Variants in USP34 observed in about 807,000 individuals in gnomAD.
USP34 encodes ubiquitin carboxyl-terminal hydrolase 34.
A neutral mutation model predicts 460.3 loss-of-function variants in USP34; 70 were observed. The observed-to-expected ratio is 0.15, with a 90% CI of 0.13 to 0.19. The LOEUF is 0.19. Ranked by LOEUF, USP34 falls within the 10% of genes least tolerant of loss-of-function variation. USP34 has a pLI of 1.00. For synonymous variants in USP34, 1,647 were observed against 1,405.3 expected, an observed-to-expected ratio of 1.17 and a Z score of -3.85; for missense variants, 3,985 against 4,236.2, an observed-to-expected ratio of 0.94 and a Z score of 1.65.
intron 3 of USP34, among the ~76,000 whole-genome samples, chr2:61,400,302 G>A (rs974404972): frequency 6.6e-6 from 1 of 151,962 alleles, no homozygotes; most frequent in Non-Finnish European, 1.5e-5. Flanking sequence ...GTAGAGACAG[G>A]GTTTCACTGT....
chr2:61,449,841 G>C (rs1047077766), intron 1 of USP34, among the ~76,000 whole-genome samples: 8 of 152,202 alleles, frequency 5.3e-5, no homozygotes, highest in African/African-American at 1.9e-4. Flanking sequence ...GCTGAGGTGG[G>C]TGGATCACGA....
chr2:61,437,818 A>AAATAAATAAATAAATAAATAAAT (rs1558594196), intron 1 of USP34, among the ~76,000 whole-genome samples: 1 of 76,272 alleles, frequency 1.3e-5, no homozygotes, highest in Non-Finnish European at 3.0e-5. Flanking sequence ...AATAAATAAA[A>AAATAAATAAATAAATAAATAAAT]AACCTGAACA....
intron 41 of USP34, among the ~76,000 whole-genome samples, chr2:61,270,481 G>A (rs1689178888): frequency 6.6e-6 from 1 of 152,324 alleles, no homozygotes; most frequent in East Asian, 1.9e-4. Context: ...TTGTTGCCAG[G>A]CTGGAGTGTA....
intron 68 of USP34, 83 bp from the exon 69 acceptor site, chr2:61,212,012 C>T: frequency 1.4e-6 from 2 of 1,388,846 alleles, no homozygotes; most frequent in African/African-American, 3.0e-5. Context: ...GTTCATTAAT[C>T]AACTCTTAAA....
intron 1 of USP34, among the ~76,000 whole-genome samples, chr2:61,462,002 G>A (rs1049505897): frequency 6.6e-6 from 1 of 152,050 alleles, no homozygotes; most frequent in African/African-American, 2.4e-5. Flanking sequence ...CATTTTAGGG[G>A]GCCGAGGTGG....
At position 61,399,874 on chromosome 2, in the gene USP34, C is replaced by CAAAAA. The variant is rs529141667; in HGVS notation, c.553-4646_553-4642dup. 5.7e-5 allele frequency among the ~76,000 whole-genome samples: 4 copies of CAAAAA among 69,984 alleles called. No individual in the cohort carries two copies. The South Asian group carries it at 3.0e-3, about 53-fold the overall frequency. The allele number at this position is 69,984 out of a possible 152,430, so 45.9% of individuals were successfully genotyped here. On this transcript the variant is annotated intron_variant, in intron 3 of 79. Transcript: ENST00000398571. ...GGCAACAGTGCGAGACACTGTCTCC[C>CAAAAA]AAAAAAAAAAAAAAAAAGCTGTATT...
At chr2:61,297,564 A>G (rs1180871611) in intron 29 of USP34, among the ~76,000 whole-genome samples, 3 of 152,252 alleles carry the variant, frequency 2.0e-5, no homozygotes, top group African/African-American at 7.2e-5. Flanking sequence ...AGGTAAAAAG[A>G]GTAAAAACTA....
Position 61,471,012 on chromosome 2 carries a change from A to G in USP34, c.-320T>C, listed in dbSNP as rs1352867469. On this transcript the variant is annotated 5_prime_UTR_variant, in exon 1 of 80. Transcript: ENST00000398571. The stretch of plus-strand genomic sequence containing the variant: ...GGAGGGGGCGGGTGGGGAGAGAAGC[A>G]GCAGAGTCACTTCACCGACCAGACG... Among the ~76,000 whole-genome samples the G allele has an allele frequency of 6.7e-6, 1 of 150,088 alleles. No homozygotes were observed. Among genetic ancestry groups the G allele is most frequent in the Non-Finnish European group, 1.5e-5 (1 of 67,114 alleles).
rs1049339838 is a variant in USP34, at chr2:61,227,275, A to G, written c.7444-57T>C. On this transcript the variant is annotated intron_variant, in intron 61 of 79. Transcript: ENST00000398571. ...GTAGTAGTTTTAATATCATTTTGAGAACAAATGACTTGTTTTATGTAACAG... is the reference window on the plus strand; with the variant it reads ...GTAGTAGTTTTAATATCATTTTGAGGACAAATGACTTGTTTTATGTAACAG... 23 of 1,536,994 alleles carry G rather than the reference A, an allele frequency of 1.5e-5. No individual in the cohort carries two copies. The African/African-American group carries it at 2.8e-4, about 18-fold the overall frequency.
chr2:61,273,004 C>A (rs935028225), intron 41 of USP34, among the ~76,000 whole-genome samples: 1 of 152,152 alleles, frequency 6.6e-6, no homozygotes, highest in Non-Finnish European at 1.5e-5. Flanking sequence ...TGAAAACAGT[C>A]TACCAACAAT....
At chr2:61,239,891 G>T (rs1170715565) in intron 53 of USP34, among the ~76,000 whole-genome samples, 2 of 151,596 alleles carry the variant, frequency 1.3e-5, no homozygotes, top group South Asian at 4.2e-4. Context: ...GGTGCCTGTA[G>T]TCCCAGCTAC....
chr2:61,380,196 C>T lies in USP34; in HGVS notation c.987G>A (p.Met329Ile). The stretch of plus-strand genomic sequence containing the variant: ...TTATCTGACTCAATCCAGCCAACCT[C>T]ATAGTCAAAGTAGGTGACATAAAGT... ...FKYFMSPTLTMRLAGLSQITN... is the reference protein window; with the variant it reads ...FKYFMSPTLTIRLAGLSQITN... The change falls in exon 7 of 80, where the codon ATG (methionine) becomes ATA (isoleucine). Residue 329 changes from methionine (M) to isoleucine (I), a missense_variant. Physicochemically the swap from Met to Ile is conservative, Grantham distance 10. Around this residue, in one of 14 missense-constraint regions of USP34, gnomAD observed 70 missense variants for 109.5 expected, o/e 0.64. Transcript: ENST00000398571. The T allele has an allele frequency of 6.2e-7, 1 of 1,613,752 alleles. No homozygotes were observed. The highest frequency in any genetic ancestry group is 8.5e-7 in the Non-Finnish European group (1 of 1,179,806).
chr2:61,372,789 T>C (rs1692668453), intron 8 of USP34, among the ~76,000 whole-genome samples: 1 of 152,150 alleles, frequency 6.6e-6, no homozygotes, highest in Non-Finnish European at 1.5e-5. Context: ...TAATAACCAC[T>C]ATTCGGAGGT....
intron 3 of USP34, 88 bp downstream of exon 3, chr2:61,405,620 A>G (rs1240499458): frequency 1.1e-5 from 13 of 1,207,912 alleles, no homozygotes; most frequent in Non-Finnish European, 1.5e-5. Context: ...CCGCCAGCAG[A>G]AAACTGTCTT....
At chr2:61,305,774 T>C (rs938096778) in intron 27 of USP34, among the ~76,000 whole-genome samples, 7 of 151,636 alleles carry the variant, frequency 4.6e-5, no homozygotes, top group African/African-American at 1.7e-4. Context: ...AATCTTTATA[T>C]CCTTTTTTTT....
chr2:61,237,693 T>C (rs1373757825), intron 53 of USP34, among the ~76,000 whole-genome samples: 1 of 149,918 alleles, frequency 6.7e-6, no homozygotes, highest in Non-Finnish European at 1.5e-5. Context: ...CTCAACCTCC[T>C]GAGCAGCTGG....
Position 61,190,530 on chromosome 2 carries a change from A to G in USP34, c.9717T>C (p.His3239=). ...AAGTACTACGTACCTTTAGAAGGAA[A>G]TGTGTCATGAACGTGTAGACAATGT... ...NNNIVYTFMT[H]FLLKVQSQVF... The change falls in exon 77 of 80, where the codon CAT becomes CAC. Residue 3239 remains histidine, a synonymous_variant. Coordinates refer to ENST00000398571, the MANE Select transcript of USP34 (RefSeq NM_014709.4). 6.2e-7 allele frequency: 1 copy of G among 1,613,770 alleles called. No homozygotes were observed. The highest frequency in any genetic ancestry group is 1.3e-5 in the African/African-American group (1 of 75,030).
intron 1 of USP34, among the ~76,000 whole-genome samples, chr2:61,450,665 G>T (rs1476919405): frequency 6.6e-6 from 1 of 151,750 alleles, no homozygotes; most frequent in Non-Finnish European, 1.5e-5. Flanking sequence ...CATTTTAATT[G>T]GGAACAACAA....
Position 61,236,307 on chromosome 2 carries a change from G to A in USP34, c.6842+18C>T. 6.3e-7 allele frequency: 1 copy of A among 1,598,152 alleles called. No individual in the cohort carries two copies. Among genetic ancestry groups the A allele is most frequent in the Non-Finnish European group, 8.5e-7 (1 of 1,173,582 alleles). ...TTAAAATGTGTAAAATATCTACTATGAAATTTACCAAACTTACCCAAAATA... is the reference window on the plus strand; with the variant it reads ...TTAAAATGTGTAAAATATCTACTATAAAATTTACCAAACTTACCCAAAATA... On this transcript the variant is annotated intron_variant, in intron 54 of 79. Coordinates refer to ENST00000398571, the MANE Select transcript of USP34 (RefSeq NM_014709.4).
Sources: gnomAD v4.1 joint callset for allele counts (sites outside exome capture counted in the v4.1 genomes callset) on GRCh38, gnomAD v4.1.1 for gene constraint, gnomAD v4.1.1 regional missense constraint, MANE v1.5 for transcripts, NCBI Gene and HGNC (gene_info 2026-07-23, HGNC 2026-07-21) for gene names.